NEDD9: variants seen among roughly 807,000 people sequenced by gnomAD.
NEDD9 encodes the protein enhancer of filamentation 1.
In NEDD9, 26 loss-of-function variants were observed where a neutral mutation model predicts 76.6. The observed-to-expected ratio is 0.34, with a 90% CI of 0.25 to 0.47. NEDD9 has a LOEUF of 0.47. Ranked by LOEUF, NEDD9 falls within the 20% of genes least tolerant of loss-of-function variation. The pLI is 1.00. For missense variants in NEDD9, 937 were observed against 1,058.5 expected (o/e 0.89, Z 1.59); for synonymous variants, 392 against 414.2 (o/e 0.95, Z 0.65).
At chr6:11,288,641 G>C (rs1760698812) in intron 3 of NEDD9, among the ~76,000 whole-genome samples, 1 of 152,182 alleles carries the variant, frequency 6.6e-6, no homozygotes, top group African/African-American at 2.4e-5. Context: ...ATCTAGAGGG[G>C]CTTTCAGACC....
chr6:11,232,080 G>A (rs549219068), intron 1 of NEDD9, among the ~76,000 whole-genome samples: 10 of 152,186 alleles, frequency 6.6e-5, no homozygotes, highest in African/African-American at 2.2e-4. Flanking sequence ...TTTGCACTAA[G>A]AGCCAGTCTG....
intron 1 of NEDD9, among the ~76,000 whole-genome samples, chr6:11,224,607 G>C (rs778215625): frequency 1.5e-4 from 22 of 149,690 alleles, no homozygotes; most frequent in African/African-American, 5.6e-4. Context: ...TAACAAGAAC[G>C]AAAGAACAAA....
chr6:11,311,037 T>C (rs1761351349), intron 2 of NEDD9, among the ~76,000 whole-genome samples: 1 of 152,296 alleles, frequency 6.6e-6, no homozygotes, highest in Admixed American at 6.5e-5. Context: ...CTTTTCTCCA[T>C]ATATGACCTC....
At chr6:11,375,194 T>C (rs1224434888) in intron 1 of NEDD9, among the ~76,000 whole-genome samples, 1 of 152,248 alleles carries the variant, frequency 6.6e-6, no homozygotes, top group Non-Finnish European at 1.5e-5. Flanking sequence ...TAGGATACTA[T>C]ACAGCTGTGA....
At chr6:11,316,709 T>A (rs544182031) in intron 2 of NEDD9, among the ~76,000 whole-genome samples, 1 of 152,124 alleles carries the variant, frequency 6.6e-6, no homozygotes, top group African/African-American at 2.4e-5. Flanking sequence ...ATACTCCAGT[T>A]GAGAATTATA....
intron 3 of NEDD9, among the ~76,000 whole-genome samples, chr6:11,288,397 T>C (rs11964176): frequency 0.04 from 6,031 of 152,300 alleles, 411 homozygotes; most frequent in African/African-American, 0.13. Flanking sequence ...GACCAGAATG[T>C]GTTGAGGCAG....
rs144118830 is a variant in NEDD9 at position 11,213,476 on chromosome 6, T to A, written c.264A>T (p.Gln88His). The A allele has an allele frequency of 6.6e-5, 106 of 1,614,128 alleles. 1 individual carries two copies. The highest frequency in any genetic ancestry group is 9.9e-5 in the South Asian group (9 of 91,070). The part of the protein sequence containing the change: ...ASGLMQQTFG[Q>H]QKLYQVPNPQ... ...GGTTTGGCACTTGATAGAGCTTCTG[T>A]TGGCCAAAGGTCTGCTGCATCAGTC... Residue 88 changes from glutamine (Q) to histidine (H), a missense_variant, in exon 2 of 7, where the codon CAA becomes CAT. Transcript: ENST00000379446. The surrounding 1 kb of genome is among the most constrained non-coding windows in gnomAD (Gnocchi z 5.4).
intron 1 of NEDD9, among the ~76,000 whole-genome samples, chr6:11,227,761 T>C (rs1561797539): frequency 6.6e-6 from 1 of 151,964 alleles, no homozygotes; most frequent in Admixed American, 6.6e-5. Context: ...AACGATTTGA[T>C]TGAAAGAGGT....
At chr6:11,328,329 G>A (rs1582032364) in intron 2 of NEDD9, among the ~76,000 whole-genome samples, 2 of 152,198 alleles carry the variant, frequency 1.3e-5, no homozygotes, top group South Asian at 2.1e-4. Context: ...ATACAAGAAT[G>A]GGCTTTACAT....
At chr6:11,353,438 G>A (rs1302402844) in intron 1 of NEDD9, among the ~76,000 whole-genome samples, 1 of 152,222 alleles carries the variant, frequency 6.6e-6, no homozygotes, top group Non-Finnish European at 1.5e-5. Context: ...TGTGAGAGAT[G>A]CTGCCACAAG....
intron 1 of NEDD9, among the ~76,000 whole-genome samples, chr6:11,363,845 A>G (rs1474301269): frequency 6.6e-6 from 1 of 152,156 alleles, no homozygotes; most frequent in Non-Finnish European, 1.5e-5. Context: ...GGCTAAAAAA[A>G]TCTGTAGGGC....
chr6:11,345,899 A>G (rs1190227404), intron 1 of NEDD9, among the ~76,000 whole-genome samples: 5 of 152,236 alleles, frequency 3.3e-5, no homozygotes, highest in East Asian at 1.9e-4. Context: ...TTGCAGGCCA[A>G]CTGGCCTCCT....
intron 3 of NEDD9, among the ~76,000 whole-genome samples, chr6:11,288,867 T>C (rs762379330): frequency 1.2e-4 from 18 of 152,270 alleles, no homozygotes; most frequent in Non-Finnish European, 2.2e-4. Flanking sequence ...CACACTCTTC[T>C]ATTTTACAGA....
Position 11,190,927 on chromosome 6 carries a change from G to A in NEDD9, c.942C>T (p.Asn314=), listed in dbSNP as rs146985170. The change falls in exon 5 of 7, where the codon AAC becomes AAT. Residue 314 remains asparagine (N), a synonymous_variant. Coordinates refer to ENST00000379446, the MANE Select transcript of NEDD9 (RefSeq NM_006403.4). The surrounding 1 kb of genome is among the most constrained non-coding windows in gnomAD (Gnocchi z 5.8). Reference sequence around the variant, plus strand: ...CGCCTCGGGGGACATCATATGCGTCGTTCTGAGAGCCCACTGACTGTCCGA... The same window carrying A: ...CGCCTCGGGGGACATCATATGCGTCATTCTGAGAGCCCACTGACTGTCCGA... ...PQLGQSVGSQ[N]DAYDVPRGVQ... 1.7e-5 allele frequency: 28 copies of A among 1,614,056 alleles called. No homozygotes were observed. The highest frequency in any genetic ancestry group is 1.5e-4 in the African/African-American group (11 of 74,982).
chr6:11,351,898 A>G (rs573093627), intron 1 of NEDD9, among the ~76,000 whole-genome samples: 1 of 152,380 alleles, frequency 6.6e-6, no homozygotes, highest in Admixed American at 6.5e-5. Flanking sequence ...ACATCTTGCC[A>G]GCCCTACAAT....
At chr6:11,351,770 T>G (rs927911590) in intron 1 of NEDD9, among the ~76,000 whole-genome samples, 5 of 152,212 alleles carry the variant, frequency 3.3e-5, no homozygotes, top group Non-Finnish European at 7.3e-5. Flanking sequence ...GTTCTTCATT[T>G]CCCCTCAAAG....
chr6:11,324,081 G>A (rs1007055081), intron 2 of NEDD9, among the ~76,000 whole-genome samples: 2 of 152,190 alleles, frequency 1.3e-5, no homozygotes, highest in Non-Finnish European at 2.9e-5. Context: ...AGGATGCCGG[G>A]GAGGGCACTC....
intron 1 of NEDD9, among the ~76,000 whole-genome samples, chr6:11,375,461 G>A (rs752678675): frequency 6.6e-6 from 1 of 152,202 alleles, no homozygotes; most frequent in Non-Finnish European, 1.5e-5. Context: ...AGTTCCTTTT[G>A]TGGTAGGTGA....
chr6:11,314,192 T>G (rs1294051288), intron 2 of NEDD9, among the ~76,000 whole-genome samples: 1 of 152,222 alleles, frequency 6.6e-6, no homozygotes, highest in Non-Finnish European at 1.5e-5. Context: ...GCAAGCACTC[T>G]ACATAAACAG....
Sources: allele counts gnomAD v4.1 joint callset (sites outside exome capture counted in the v4.1 genomes callset), GRCh38; gene constraint gnomAD v4.1.1; non-coding constraint Gnocchi (gnomAD v3.1); transcripts MANE v1.5; gene names NCBI Gene and HGNC (gene_info 2026-07-23, HGNC 2026-07-21).